Variants in LIMCH1 observed in about 807,000 individuals in gnomAD.
LIMCH1 encodes the protein LIM and calponin homology domains-containing protein 1.
LIMCH1 carries 113 observed loss-of-function variants against 176.5 expected under a neutral mutation model. That is an observed-to-expected ratio of 0.64 (90% CI 0.55 to 0.75). LIMCH1 has a LOEUF of 0.75. Ranked by LOEUF, LIMCH1 falls within the 30% of genes least tolerant of loss-of-function variation. The pLI, the probability that LIMCH1 is intolerant of heterozygous loss-of-function variation, is 0.00. For missense variants in LIMCH1, 1,674 were observed against 1,814.9 expected (o/e 0.92, Z 1.41); for synonymous variants, 619 against 645.9 (o/e 0.96, Z 0.63).
chr4:41,444,116 G>T (rs1206607464), intron 1 of LIMCH1, among the ~76,000 whole-genome samples: 2 of 152,118 alleles, frequency 1.3e-5, no homozygotes, highest in Non-Finnish European at 2.9e-5. Flanking sequence ...ATTGAAGAGT[G>T]CTTCCAATTT....
At chr4:41,606,231 C>T (rs1186660631) in intron 4 of LIMCH1, among the ~76,000 whole-genome samples, 1 of 152,198 alleles carries the variant, frequency 6.6e-6, no homozygotes, top group Non-Finnish European at 1.5e-5. Context: ...TGAGCTCCAT[C>T]CAACTTTTTA....
At chr4:41,503,255 C>A (rs34209980) in intron 2 of LIMCH1, among the ~76,000 whole-genome samples, 8 of 152,162 alleles carry the variant, frequency 5.3e-5, no homozygotes, top group Non-Finnish European at 7.4e-5. Context: ...GTGCTCATCT[C>A]GGAATTAACC....
intron 4 of LIMCH1, chr4:41,612,996 G>T (rs2091627462): frequency 6.4e-7 from 1 of 1,551,226 alleles, no homozygotes; most frequent in Non-Finnish European, 8.7e-7. Context: ...AATGTTGCCT[G>T]TATTTGCCAG....
chr4:41,596,534 G>T (rs1008721084), intron 1 of LIMCH1, among the ~76,000 whole-genome samples: 4 of 152,226 alleles, frequency 2.6e-5, no homozygotes, highest in Admixed American at 1.3e-4. Flanking sequence ...TGGAAAGAAA[G>T]ATGTTATATT....
chr4:41,592,993 A>G (rs2087938524), intron 1 of LIMCH1, among the ~76,000 whole-genome samples: 1 of 152,210 alleles, frequency 6.6e-6, no homozygotes, highest in African/African-American at 2.4e-5. Flanking sequence ...CATTGAATTG[A>G]GTTTATTTAA....
rs553301560 is a variant in LIMCH1 at position 41,583,591 on chromosome 4, T to C, written c.-240-15329T>C. On this transcript the variant is annotated intron_variant, in intron 1 of 31. Coordinates refer to ENST00000503057, the MANE Select transcript of LIMCH1 (RefSeq NM_001330672.2). ...CATTCCTTGACGATGAAATGTGGTT[T>C]CCACTTGTGCATGATTACAACGTTG... Among the ~76,000 whole-genome samples, 52 of 152,334 alleles carry C rather than the reference T, an allele frequency of 3.4e-4. No individual in the cohort carries two copies. The South Asian group carries it at 0.011, about 31-fold the overall frequency.
At chr4:41,521,681 T>C (rs2076134756) in intron 2 of LIMCH1, among the ~76,000 whole-genome samples, 1 of 152,170 alleles carries the variant, frequency 6.6e-6, no homozygotes, top group Non-Finnish European at 1.5e-5. Flanking sequence ...GAGCAGTGTT[T>C]ACCTGAAAAA....
At chr4:41,671,434 AC>A in intron 21 of LIMCH1, 119 bp from the exon 22 acceptor site, 1 of 682,166 alleles carries the variant, frequency 1.5e-6, no homozygotes, top group Non-Finnish European at 2.6e-6. Flanking sequence ...ACACACACAC[AC>A]ACACAAAATT....
chr4:41,593,551 T>C (rs1288868374), intron 1 of LIMCH1, among the ~76,000 whole-genome samples: 2 of 152,206 alleles, frequency 1.3e-5, no homozygotes, highest in African/African-American at 2.4e-5. Context: ...AATATATCTT[T>C]TAGAAAGTCA....
intron 1 of LIMCH1, among the ~76,000 whole-genome samples, chr4:41,402,756 C>T (rs1393640965): frequency 1.4e-5 from 2 of 141,102 alleles, no homozygotes; most frequent in Non-Finnish European, 3.0e-5. Flanking sequence ...TGTTCTCACT[C>T]ATAGATGAGA....
intron 1 of LIMCH1, among the ~76,000 whole-genome samples, chr4:41,426,286 G>A (rs1032697151): frequency 6.6e-6 from 1 of 152,096 alleles, no homozygotes; most frequent in African/African-American, 2.4e-5. Context: ...CTCCCAAAGT[G>A]CTGGGATTAC....
At chr4:41,559,504 T>C (rs561638935) in intron 1 of LIMCH1, among the ~76,000 whole-genome samples, 17 of 152,244 alleles carry the variant, frequency 1.1e-4, no homozygotes, top group Admixed American at 3.9e-4. Flanking sequence ...CCCCCTTTCC[T>C]GAACCTGGCT....
At position 41,697,280 on chromosome 4, in the gene LIMCH1, G is replaced by A. The variant is rs951804439; in HGVS notation, c.*95G>A. 14 of 1,098,456 alleles carry A rather than the reference G, an allele frequency of 1.3e-5. No homozygotes were observed. In the Middle Eastern group the frequency reaches 8.4e-4, roughly 66 times the overall value. 68.0% of individuals were successfully genotyped at this position (1,098,456 alleles called of 1,614,324 possible). On this transcript the variant is annotated 3_prime_UTR_variant, in exon 32 of 32. Coordinates refer to ENST00000503057, the MANE Select transcript of LIMCH1 (RefSeq NM_001330672.2). ...AAATCCCAAGCTCAGGGGCTTCTCA[G>A]CATTTACCTAATTTCTGAAAGGCTC...
At chr4:41,378,674 G>A (rs928818212) in intron 1 of LIMCH1, among the ~76,000 whole-genome samples, 3 of 152,164 alleles carry the variant, frequency 2.0e-5, no homozygotes, top group Non-Finnish European at 4.4e-5. Context: ...GGTAAGAGGT[G>A]ATGATGGCAA....
At chr4:41,573,935 T>C (rs1435690610) in intron 1 of LIMCH1, among the ~76,000 whole-genome samples, 1 of 152,158 alleles carries the variant, frequency 6.6e-6, no homozygotes. Flanking sequence ...AAGTTCTGTG[T>C]CCTGGACCTT....
At chr4:41,647,537 G>A (rs12498364) in intron 17 of LIMCH1, among the ~76,000 whole-genome samples, 60,501 of 151,968 alleles carry the variant, frequency 0.4, 12,295 homozygotes, top group South Asian at 0.44. Context: ...ACATCTTTTC[G>A]CTTCCTCAAA....
At chr4:41,602,793 T>C (rs1427434726) in intron 2 of LIMCH1, among the ~76,000 whole-genome samples, 1 of 151,744 alleles carries the variant, frequency 6.6e-6, no homozygotes, top group Non-Finnish European at 1.5e-5. Flanking sequence ...GGCGACAGAG[T>C]GAGGCTCAGT....
chr4:41,525,219 C>T (rs1187198085), intron 3 of LIMCH1, among the ~76,000 whole-genome samples: 4 of 151,952 alleles, frequency 2.6e-5, no homozygotes, highest in Admixed American at 2.6e-4. Flanking sequence ...AAGGAATTGG[C>T]ATATGTGTGT....
chr4:41,570,852 A>G (rs2083447137), intron 1 of LIMCH1, among the ~76,000 whole-genome samples: 1 of 152,208 alleles, frequency 6.6e-6, no homozygotes, highest in Non-Finnish European at 1.5e-5. Flanking sequence ...AGGACTGAGA[A>G]AAAGAAACAG....
Sources: gnomAD v4.1 joint callset for allele counts (sites outside exome capture counted in the v4.1 genomes callset) on GRCh38, gnomAD v4.1.1 for gene constraint, MANE v1.5 for transcripts, NCBI Gene and HGNC (gene_info 2026-07-23, HGNC 2026-07-21) for gene names.